Variants in GNPDA1 observed in about 807,000 individuals in gnomAD.
GNPDA1 encodes the protein GNPDA 1.
A neutral mutation model predicts 28.5 loss-of-function variants in GNPDA1; 24 were observed. The observed-to-expected ratio is 0.84, with a 90% confidence interval of 0.61 to 1.19. The LOEUF is 1.19. GNPDA1 is among the 50% of genes most tolerant of loss of function. GNPDA1 has a pLI of 0.00. For synonymous variants in GNPDA1, 147 were observed against 139.3 expected (o/e 1.06, Z -0.39); for missense variants, 264 against 367.3 (o/e 0.72, Z 2.30).
In GNPDA1 at chr5:142,003,989, T is replaced by C. The variant is rs1030387302; in HGVS notation, c.595-727A>G. On this transcript the variant is annotated intron_variant, in intron 5 of 6. Coordinates refer to ENST00000311337, the MANE Select transcript of GNPDA1 (RefSeq NM_005471.5). This position sits in a 1 kb window ranked among gnomAD's most constrained non-coding sequence, Gnocchi z 4.0. Reference sequence around the variant, plus strand: ...CCACAGAGTTGTGAACAGGATTTACTGTTCCTTTCTTAAAAGATTAGAATG... The same window carrying C: ...CCACAGAGTTGTGAACAGGATTTACCGTTCCTTTCTTAAAAGATTAGAATG... 6.6e-6 allele frequency among the ~76,000 whole-genome samples: 1 copy of C among 152,246 alleles called. No individual in the cohort carries two copies. The highest frequency in any genetic ancestry group is 1.5e-5 in the Non-Finnish European group (1 of 68,048).
At chr5:142,009,591 G>A (rs1183096386) in intron 2 of GNPDA1, among the ~76,000 whole-genome samples, 1 of 152,144 alleles carries the variant, frequency 6.6e-6, no homozygotes, top group Admixed American at 6.5e-5. Context: ...TACCTGCTGA[G>A]TGAATGGCAG....
Position 142,004,600 on chromosome 5 carries a change from C to A in GNPDA1, c.594+332G>T, listed in dbSNP as rs183806044. Among the ~76,000 whole-genome samples, 38 of 152,358 alleles carry A rather than the reference C, an allele frequency of 2.5e-4. No individual in the cohort carries two copies. The South Asian group carries it at 7.2e-3, about 29-fold the overall frequency. ...GAACAAGGGAACCCCTCTCTCCATA[C>A]CTGGTCAGGTACAAATATTCCAACA... On this transcript the variant is annotated intron_variant, in intron 5 of 6. Coordinates refer to ENST00000311337, the MANE Select transcript of GNPDA1 (RefSeq NM_005471.5).
In GNPDA1 at chr5:142,011,988, C is replaced by T; in HGVS notation, c.48G>A (p.Ala16=). 2 of 1,612,602 alleles carry T rather than the reference C, an allele frequency of 1.2e-6. No individual in the cohort carries two copies. Among genetic ancestry groups the T allele is most frequent in the Admixed American group, 1.7e-5 (1 of 59,994 alleles). ...LEHYSQASEW[A]AKYIRNRIIQ... ...TGATGCGGTTCCTGATGTATTTAGC[C>T]GCCCACTCGCTCGCCTGAGAATAGT... The change falls in exon 2 of 7, where the codon GCG becomes GCA. Residue 16 remains alanine, a synonymous_variant. Coordinates refer to ENST00000311337, the MANE Select transcript of GNPDA1 (RefSeq NM_005471.5).
chr5:142,008,170 C>G, intron 2 of GNPDA1, among the ~76,000 whole-genome samples: 1 of 152,244 alleles, frequency 6.6e-6, no homozygotes, highest in Non-Finnish European at 1.5e-5. Context: ...ACTGAAATCA[C>G]TCTGATTAGT....
chr5:142,002,204 C>T (rs1755692606), intron 6 of GNPDA1, 75 bp from the exon 7 acceptor site: 4 of 740,246 alleles, frequency 5.4e-6, no homozygotes, highest in South Asian at 3.4e-5. Flanking sequence ...TCATAACATC[C>T]AGGAGCTCTC....
chr5:142,007,164 T>C (rs1305896080), intron 3 of GNPDA1, among the ~76,000 whole-genome samples: 1 of 152,150 alleles, frequency 6.6e-6, no homozygotes, highest in Non-Finnish European at 1.5e-5. Flanking sequence ...TGCACAACAA[T>C]GTGAATGCAC....
chr5:142,008,140 C>T (rs758010102), intron 2 of GNPDA1, among the ~76,000 whole-genome samples: 3 of 152,258 alleles, frequency 2.0e-5, no homozygotes, highest in African/African-American at 7.2e-5. Flanking sequence ...CTGAATCTCC[C>T]AGTATCCAGC....
intron 4 of GNPDA1, 73 bp downstream of exon 4, chr5:142,006,071 A>C (rs1018286932): frequency 8.0e-7 from 1 of 1,252,718 alleles, no homozygotes; most frequent in African/African-American, 1.5e-5. Context: ...CTGTCTGCAG[A>C]CAGGCATTGT....
At position 142,004,983 on chromosome 5, in the gene GNPDA1, C is replaced by G. The variant is rs1468052050; in HGVS notation, c.543G>C (p.Val181=). 1.9e-6 allele frequency: 3 copies of G among 1,613,062 alleles called. No individual in the cohort carries two copies. Among genetic ancestry groups the G allele is most frequent in the Non-Finnish European group, 2.5e-6 (3 of 1,179,146 alleles). ...CCCCCACCGTCAAGGCCATGGTGGG[C>G]ACCTTGGTGAGTTCTCCATCGAAGA... ...ARFFDGELTK[V]PTMALTVGVG... The change falls in exon 5 of 7, where the codon GTG becomes GTC. Residue 181 remains valine, a synonymous_variant. Coordinates refer to ENST00000311337, the MANE Select transcript of GNPDA1 (RefSeq NM_005471.5).
At chr5:142,010,677 C>T (rs1487300285) in intron 2 of GNPDA1, among the ~76,000 whole-genome samples, 1 of 151,706 alleles carries the variant, frequency 6.6e-6, no homozygotes, top group African/African-American at 2.4e-5. Flanking sequence ...CCATGCCTAG[C>T]TAATTTTTCT....
Position 142,008,018 on chromosome 5 carries a change from C to T in GNPDA1, c.125-118G>A, listed in dbSNP as rs1755851175. ...AGAACCTGTCAGATCTGAAGTCCTA[C>T]CCAGTACTCCAATCCTAACTGCCAT... On this transcript the variant is annotated intron_variant, in intron 2 of 6. Coordinates refer to ENST00000311337, the MANE Select transcript of GNPDA1 (RefSeq NM_005471.5). 1.0e-5 allele frequency: 7 copies of T among 668,562 alleles called. No individual in the cohort carries two copies. The East Asian group carries it at 1.3e-4, about 12-fold the overall frequency. 41.4% of individuals were successfully genotyped at this position (668,562 alleles called of 1,614,324 possible). A position where few individuals can be genotyped will look rare whatever the true frequency, so the allele number is the denominator to read the frequency against.
At chr5:142,012,220 C>CA (rs779148373) in intron 1 of GNPDA1, 179 bp from the exon 2 acceptor site, 4 of 509,004 alleles carry the variant, frequency 7.9e-6, no homozygotes, top group Non-Finnish European at 1.4e-5. Context: ...TCGTCTCCAC[C>CA]ACCCACAGAC....
Position 142,002,075 on chromosome 5 carries a change from TTC to T in GNPDA1, c.822_823del (p.Lys275ArgfsTer3). On this transcript the variant is annotated frameshift_variant, in exon 7 of 7. Transcript: ENST00000311337. LOFTEE classifies it high-confidence loss of function. ...CGAAGATTGGCTTTTCTCAGTTTCTTTCTCTTTGATACTGTACAAGGGGTCCA... is the reference window on the plus strand; with the variant it reads ...CGAAGATTGGCTTTTCTCAGTTTCTTTCTTTGATACTGTACAAGGGGTCCA... 1 of 1,606,742 alleles carries T rather than the reference TTC, an allele frequency of 6.2e-7. No homozygotes were observed.
At position 142,005,067 on chromosome 5, in the gene GNPDA1, C is replaced by A. The variant is rs1270602669; in HGVS notation, c.459G>T (p.Leu153=). Reference sequence around the variant, plus strand: ...GCGTCTTCACACGGGTCCTGGACACCAGACTGGAGCCTGGCTCGTTGAAGG... The same window carrying A: ...GCGTCTTCACACGGGTCCTGGACACAAGACTGGAGCCTGGCTCGTTGAAGG... ...HIAFNEPGSS[L]VSRTRVKTLA... Residue 153 remains leucine, a synonymous_variant, in exon 5 of 7, where the codon CTG becomes CTT. Coordinates refer to ENST00000311337, the MANE Select transcript of GNPDA1 (RefSeq NM_005471.5). 2 of 1,612,366 alleles carry A rather than the reference C, an allele frequency of 1.2e-6. No homozygotes were observed. The highest frequency in any genetic ancestry group is 3.3e-5 in the Admixed American group (2 of 59,988).
At chr5:142,007,105 G>C (rs1308401095) in intron 3 of GNPDA1, among the ~76,000 whole-genome samples, 1 of 152,146 alleles carries the variant, frequency 6.6e-6, no homozygotes, top group Admixed American at 6.5e-5. Flanking sequence ...GTTGTTTCAC[G>C]GGTATAGAGC....
At chr5:142,008,021 A>C (rs1387379961) in intron 2 of GNPDA1, 121 bp from the exon 3 acceptor site, 1 of 664,358 alleles carries the variant, frequency 1.5e-6, no homozygotes, top group Admixed American at 2.5e-5. Context: ...AGTCCTACCC[A>C]GTACTCCAAT....
chr5:142,005,959 A>G (rs1755791565), intron 4 of GNPDA1, 185 bp downstream of exon 4: 4 of 539,538 alleles, frequency 7.4e-6, no homozygotes, highest in Non-Finnish European at 1.3e-5. Flanking sequence ...ATCAAACTGC[A>G]GAAAGAGATC....
At chr5:142,006,948 T>C (rs1403152967) in intron 3 of GNPDA1, among the ~76,000 whole-genome samples, 3 of 152,316 alleles carry the variant, frequency 2.0e-5, no homozygotes, top group South Asian at 2.1e-4. Context: ...TTGTGGACTT[T>C]ATGCTAGGTG....
In GNPDA1 at chr5:142,012,641, T is replaced by C. The variant is rs550498298; in HGVS notation, c.-7+354A>G. The C allele has an allele frequency of 1.4e-4, 67 of 477,342 alleles. 2 individuals carry two copies. In the South Asian group the frequency reaches 5.4e-3, roughly 38 times the overall value. The allele number at this position is 477,342 out of a possible 1,614,324, so 29.6% of individuals were successfully genotyped here. The stretch of plus-strand genomic sequence containing the variant: ...GGGGAGCTGTGTGCTCTCTCTGGAC[T>C]AGCGGAGGGGTCTTCCTACTGGCCC... On this transcript the variant is annotated intron_variant, in intron 1 of 6. Transcript: ENST00000311337.
Sources: allele counts gnomAD v4.1 joint callset (sites outside exome capture counted in the v4.1 genomes callset), GRCh38; gene constraint gnomAD v4.1.1; non-coding constraint Gnocchi (gnomAD v3.1); transcripts MANE v1.5; gene names NCBI Gene and HGNC (gene_info 2026-07-23, HGNC 2026-07-21).